METTL25: variants seen among roughly 807,000 people sequenced by gnomAD.
METTL25 encodes the protein methyltransferase like 25.
A neutral mutation model predicts 71.6 loss-of-function variants in METTL25; 64 were observed. The ratio of observed to expected loss-of-function variants is 0.89; its 90% confidence interval spans 0.73 to 1.10. The LOEUF is 1.10. Ranked by LOEUF, METTL25 falls within the 50% of genes least tolerant of loss-of-function variation. The pLI is 0.00. For synonymous variants in METTL25, 287 were observed against 250.3 expected, an observed-to-expected ratio of 1.15 and a Z score of -1.38; for missense variants, 807 against 707.0, an observed-to-expected ratio of 1.14 and a Z score of -1.60.
intron 1 of METTL25, chr12:82,374,348 C>T (rs1294799807): frequency 1.3e-5 from 2 of 152,236 alleles, no homozygotes; most frequent in Non-Finnish European, 2.9e-5. Flanking sequence ...CTTTTATTCC[C>T]TTATTTGGCT....
At chr12:82,451,235 T>A in intron 8 of METTL25, 1 of 922,168 alleles carries the variant, frequency 1.1e-6, no homozygotes. Context: ...TCATGCAGTA[T>A]CCTCCTCTTT....
chr12:82,370,236 C>G (rs1206017960), intron 1 of METTL25, among the ~76,000 whole-genome samples: 1 of 152,248 alleles, frequency 6.6e-6, no homozygotes, highest in East Asian at 1.9e-4. Context: ...GTTTGTTGAG[C>G]TCATTTGGGG....
intron 6 of METTL25, among the ~76,000 whole-genome samples, chr12:82,432,676 T>A (rs1016364222): frequency 2.6e-5 from 4 of 151,628 alleles, no homozygotes; most frequent in African/African-American, 9.7e-5. Context: ...CTGATCAATG[T>A]CAGCTGCCCA....
intron 8 of METTL25, among the ~76,000 whole-genome samples, chr12:82,447,436 A>G (rs1345981366): frequency 1.3e-5 from 2 of 152,220 alleles, no homozygotes; most frequent in Admixed American, 6.5e-5. Context: ...TTACAGCTAC[A>G]TGCATCAATG....
intron 6 of METTL25, among the ~76,000 whole-genome samples, chr12:82,432,053 A>ATGT (rs1228461501): frequency 2.0e-5 from 3 of 151,738 alleles, no homozygotes; most frequent in Non-Finnish European, 3.0e-5. Flanking sequence ...TATAAACATC[A>ATGT]TGTTGTATAC....
At chr12:82,359,829 T>G (rs1834662034) in intron 1 of METTL25, among the ~76,000 whole-genome samples, 1 of 152,226 alleles carries the variant, frequency 6.6e-6, no homozygotes, top group Non-Finnish European at 1.5e-5. Flanking sequence ...CCCTTACTAG[T>G]GAACTTTATT....
intron 5 of METTL25, among the ~76,000 whole-genome samples, chr12:82,408,413 G>A (rs1347122884): frequency 6.6e-6 from 1 of 151,750 alleles, no homozygotes; most frequent in East Asian, 1.9e-4. Flanking sequence ...AAAAACCTGG[G>A]GAAAAAAACA....
At chr12:82,391,412 T>C (rs2136965741) in intron 3 of METTL25, among the ~76,000 whole-genome samples, 1 of 152,192 alleles carries the variant, frequency 6.6e-6, no homozygotes, top group East Asian at 1.9e-4. Context: ...GTAAGATTTA[T>C]TTACACTTTA....
At chr12:82,442,258 C>CAAAA (rs1890406458) in intron 8 of METTL25, among the ~76,000 whole-genome samples, 1 of 152,116 alleles carries the variant, frequency 6.6e-6, no homozygotes, top group Non-Finnish European at 1.5e-5. Context: ...AGCTGACTTA[C>CAAAA]CTTTATACAA....
chr12:82,468,681 A>G (rs1435544408), intron 9 of METTL25: 1 of 152,140 alleles, frequency 6.6e-6, no homozygotes, highest in Non-Finnish European at 1.5e-5. Context: ...TTAGAAGCAA[A>G]TGTGTTAACG....
intron 5 of METTL25, among the ~76,000 whole-genome samples, chr12:82,426,456 A>T (rs1384416004): frequency 6.6e-6 from 1 of 151,970 alleles, no homozygotes. Flanking sequence ...TTTGGATAGG[A>T]ATTCAGGGAT....
intron 11 of METTL25, 27 bp from the exon 12 acceptor site, chr12:82,478,905 A>C: frequency 6.4e-7 from 1 of 1,568,322 alleles, no homozygotes; most frequent in Non-Finnish European, 8.8e-7. Flanking sequence ...AAATGGTTGT[A>C]TATCTAAATC....
Position 82,434,698 on chromosome 12 carries a change from T to C in METTL25, c.1378T>C (p.Leu460=), listed in dbSNP as rs1213035100. 6.2e-7 allele frequency: 1 copy of C among 1,609,274 alleles called. No individual in the cohort carries two copies. The highest frequency in any genetic ancestry group is 8.5e-7 in the Non-Finnish European group (1 of 1,176,812). ...GTCTTGTTTTTTTCCCTTTAAGGCA[T>C]TGGAGCGGGTTGCAGCTGGCCAAGG... ...RNARMSACLA[L]ERVAAGQGLP... Residue 460 remains leucine (L), a synonymous_variant, in exon 7 of 12, where the codon TTG becomes CTG. Transcript: ENST00000248306.
At chr12:82,451,569 T>C (rs1209834094) in intron 8 of METTL25, among the ~76,000 whole-genome samples, 2 of 152,306 alleles carry the variant, frequency 1.3e-5, no homozygotes, top group African/African-American at 2.4e-5. Context: ...TCTCTTTACC[T>C]CTGTTGAAAC....
intron 8 of METTL25, among the ~76,000 whole-genome samples, chr12:82,456,175 T>C (rs1891474464): frequency 6.6e-6 from 1 of 151,892 alleles, no homozygotes; most frequent in African/African-American, 2.4e-5. Context: ...AGTTGTGAGA[T>C]GTGGTACTCT....
intron 9 of METTL25, among the ~76,000 whole-genome samples, chr12:82,464,307 T>C (rs1289692260): frequency 1.3e-5 from 2 of 151,688 alleles, no homozygotes; most frequent in Non-Finnish European, 3.0e-5. Flanking sequence ...AGGTGAGGTG[T>C]CTAGTTTAAT....
intron 1 of METTL25, among the ~76,000 whole-genome samples, chr12:82,368,671 C>T (rs1189523157): frequency 6.6e-6 from 1 of 152,120 alleles, no homozygotes; most frequent in African/African-American, 2.4e-5. Flanking sequence ...ATAAAAGATA[C>T]CTAGGGTTTC....
chr12:82,408,158 G>A (rs1175731563), intron 5 of METTL25, among the ~76,000 whole-genome samples: 1 of 152,130 alleles, frequency 6.6e-6, no homozygotes, highest in African/African-American at 2.4e-5. Context: ...AACAAGGTAT[G>A]TATTATGATT....
chr12:82,461,918 C>CT (rs1389578317), intron 9 of METTL25, among the ~76,000 whole-genome samples: 1 of 152,186 alleles, frequency 6.6e-6, no homozygotes, highest in African/African-American at 2.4e-5. Context: ...AGCATGATTT[C>CT]TTATATATTG....
Sources: allele counts gnomAD v4.1 joint callset (sites outside exome capture counted in the v4.1 genomes callset), GRCh38; gene constraint gnomAD v4.1.1; transcripts MANE v1.5; gene names NCBI Gene and HGNC (gene_info 2026-07-23, HGNC 2026-07-21).